Variants in SLFN5 observed in about 807,000 individuals in gnomAD.
SLFN5 encodes the protein schlafen family member 5.
SLFN5 carries 34 observed loss-of-function variants against 48.5 expected under a neutral mutation model. The ratio of observed to expected loss-of-function variants is 0.70; its 90% CI spans 0.53 to 0.93. The LOEUF (loss-of-function observed/expected upper bound fraction) is 0.93, where lower values mean the gene tolerates loss of function less well. Ranked by LOEUF, SLFN5 falls within the 40% of genes least tolerant of loss-of-function variation. The probability of loss-of-function intolerance (pLI) is 0.00; values close to 1 mark genes in which losing one functional copy is unlikely to be tolerated. For missense variants in SLFN5, 1,006 were observed against 1,071.3 expected, an observed-to-expected ratio of 0.94 and a Z score of 0.85; for synonymous variants, 387 against 396.2, an observed-to-expected ratio of 0.98 and a Z score of 0.28.
chr17:35,272,114 A>T lies in SLFN5; in HGVS notation c.*6226A>T, dbSNP rs1904846305. 6.6e-6 allele frequency: 1 copy of T among 152,190 alleles called. No individual in the cohort carries two copies. Among genetic ancestry groups the T allele is most frequent in the Admixed American group, 6.6e-5 (1 of 15,256 alleles). The allele number at this position is 152,190 out of a possible 1,614,324, so 9.4% of individuals were successfully genotyped here. A position where few individuals can be genotyped will look rare whatever the true frequency, so the allele number is the denominator to read the frequency against. On this transcript the variant is annotated 3_prime_UTR_variant, in exon 5 of 5. Transcript: ENST00000299977. ...AAAGAAGAAACCTGAGTGAGTCAGC[A>T]TGACCAAATATTAAAACATCTTATA... is the stretch of plus-strand genomic sequence containing the variant.
In SLFN5 at chr17:35,270,021, G is replaced by T. The variant is rs919014582; in HGVS notation, c.*4133G>T. ...GTTCTTGAGTTAAAGAAAAATATTCGGTAGTTCAGCTCTTCCTTCAATTTT... is the reference window on the plus strand; with the variant it reads ...GTTCTTGAGTTAAAGAAAAATATTCTGTAGTTCAGCTCTTCCTTCAATTTT... On this transcript the variant is annotated 3_prime_UTR_variant, in exon 5 of 5. Transcript: ENST00000299977. The T allele has an allele frequency of 5.3e-5, 8 of 151,886 alleles. No homozygotes were observed. Among genetic ancestry groups the T allele is most frequent in the African/African-American group, 1.9e-4 (8 of 41,352 alleles). 9.4% of individuals were successfully genotyped at this position (151,886 alleles called of 1,614,324 possible).
At chr17:35,243,946 T>A (rs1206557988) in intron 1 of SLFN5, among the ~76,000 whole-genome samples, 3 of 151,464 alleles carry the variant, frequency 2.0e-5, no homozygotes, top group South Asian at 4.2e-4. Context: ...TAGTGGGGAG[T>A]TTTTATGAGA....
intron 1 of SLFN5, among the ~76,000 whole-genome samples, chr17:35,253,117 G>A (rs2092446222): frequency 6.6e-6 from 1 of 151,988 alleles, no homozygotes; most frequent in Admixed American, 6.6e-5. Flanking sequence ...GGCCCTCATA[G>A]ATGGTGCCTT....
chr17:35,250,492 TA>T (rs892688119), intron 1 of SLFN5, among the ~76,000 whole-genome samples: 16 of 150,682 alleles, frequency 1.1e-4, no homozygotes, highest in African/African-American at 2.9e-4. Flanking sequence ...CGGTCTCTAC[TA>T]AAAAAAAATA....
chr17:35,250,482 C>A (rs905981891), intron 1 of SLFN5, among the ~76,000 whole-genome samples: 1 of 151,994 alleles, frequency 6.6e-6, no homozygotes, highest in Non-Finnish European at 1.5e-5. Context: ...CGGTGAAACC[C>A]GGTCTCTACT....
intron 3 of SLFN5, among the ~76,000 whole-genome samples, chr17:35,263,036 C>T (rs1416921631): frequency 1.3e-5 from 2 of 152,160 alleles, no homozygotes; most frequent in Non-Finnish European, 2.9e-5. Flanking sequence ...CACTCTAATG[C>T]CTTCCTCACC....
chr17:35,262,882 A>G (rs188287551), intron 3 of SLFN5, among the ~76,000 whole-genome samples: 1 of 152,208 alleles, frequency 6.6e-6, no homozygotes, highest in Admixed American at 6.5e-5. Context: ...AAAAGTCTCC[A>G]TGCTGTCCCT....
intron 1 of SLFN5, among the ~76,000 whole-genome samples, chr17:35,256,831 C>G (rs939918220): frequency 6.6e-6 from 1 of 152,116 alleles, no homozygotes; most frequent in South Asian, 2.1e-4. Context: ...ATACTCTACA[C>G]CAGGGGTCCC....
chr17:35,263,944 T>C (rs1327412940), intron 3 of SLFN5, among the ~76,000 whole-genome samples: 6 of 152,198 alleles, frequency 3.9e-5, no homozygotes. Flanking sequence ...ATTCACATAA[T>C]ACTTTCTGTC....
chr17:35,260,909 G>C (rs371216844), intron 2 of SLFN5, 62 bp from the exon 3 acceptor site: 1 of 1,596,934 alleles, frequency 6.3e-7, no homozygotes, highest in Non-Finnish European at 8.5e-7. Flanking sequence ...TTGTAGCACA[G>C]CTCAGCTATA....
intron 2 of SLFN5, among the ~76,000 whole-genome samples, chr17:35,260,676 G>T (rs1904494759): frequency 1.3e-5 from 2 of 152,112 alleles, no homozygotes; most frequent in African/African-American, 4.8e-5. Flanking sequence ...TCATGCCACT[G>T]CACTCCAGCC....
Position 35,265,367 on chromosome 17 carries a change from G to A in SLFN5, c.2155G>A (p.Ala719Thr), listed in dbSNP as rs148651939. 1.1e-5 allele frequency: 17 copies of A among 1,614,152 alleles called. No individual in the cohort carries two copies. Among genetic ancestry groups the A allele is most frequent in the Non-Finnish European group, 1.4e-5 (17 of 1,180,042 alleles). Reference protein sequence around the residue: ...NRVVRNAGPIANYLQQVMQEA... With the variant: ...NRVVRNAGPITNYLQQVMQEA... ...AGTGGTCCGCAATGCAGGTCCAATA[G>A]CTAATTACCTACAACAAGTAATGCA... The change falls in exon 5 of 5, where the codon GCT becomes ACT. Residue 719 changes from alanine to threonine, a missense_variant. Physicochemically the swap from Ala to Thr is moderately conservative, Grantham distance 58 (BLOSUM62 0). Transcript: ENST00000299977.
chr17:35,253,690 G>GTTTTTT (rs57606643), intron 1 of SLFN5, among the ~76,000 whole-genome samples: 2 of 76,068 alleles, frequency 2.6e-5, no homozygotes, highest in Non-Finnish European at 4.5e-5. Context: ...ATAGCTAACA[G>GTTTTTT]TTTTTTTTTT....
intron 1 of SLFN5, among the ~76,000 whole-genome samples, chr17:35,256,521 G>A (rs774553282): frequency 4.8e-5 from 7 of 147,278 alleles, no homozygotes; most frequent in Non-Finnish European, 7.5e-5. Context: ...TTTTTTTTCT[G>A]TTTTAATCTC....
chr17:35,259,709 G>C lies in SLFN5; in HGVS notation c.1012+7G>C. ...ATGATGGAAGCTGACCCAGGTTAGG[G>C]AGCAATATCCACAATGGTTGTAATG... On this transcript the variant is annotated splice_region_variant and intron_variant, in intron 2 of 4. Transcript: ENST00000299977. 6.3e-7 allele frequency: 1 copy of C among 1,598,604 alleles called. No homozygotes were observed. Among genetic ancestry groups the C allele is most frequent in the Non-Finnish European group, 8.5e-7 (1 of 1,179,106 alleles).
Position 35,259,807 on chromosome 17 carries a change from G to C in SLFN5, c.1012+105G>C. Reference sequence around the variant, plus strand: ...GTATTCCTTGGAATCTGGGGAAAGAGATTTACTCTCTGATTTGCAATTGTC... The same window carrying C: ...GTATTCCTTGGAATCTGGGGAAAGACATTTACTCTCTGATTTGCAATTGTC... On this transcript the variant is annotated intron_variant, in intron 2 of 4. Transcript: ENST00000299977. 6.7e-6 allele frequency: 9 copies of C among 1,342,786 alleles called. No individual in the cohort carries two copies. In the South Asian group the frequency reaches 1.3e-4, roughly 19 times the overall value. The allele number at this position is 1,342,786 out of a possible 1,614,324, so 83.2% of individuals were successfully genotyped here.
Position 35,269,692 on chromosome 17 carries a change from T to C in SLFN5, c.*3804T>C, listed in dbSNP as rs1904785964. ...GTGAGAGAGTTGCACTTATTTAGTTTGCATACCGTACTCAACTCTTAGCTA... is the reference window on the plus strand; with the variant it reads ...GTGAGAGAGTTGCACTTATTTAGTTCGCATACCGTACTCAACTCTTAGCTA... On this transcript the variant is annotated 3_prime_UTR_variant, in exon 5 of 5. Coordinates refer to ENST00000299977, the MANE Select transcript of SLFN5 (RefSeq NM_144975.4). 1 of 152,196 alleles carries C rather than the reference T, an allele frequency of 6.6e-6. No individual in the cohort carries two copies. Among genetic ancestry groups the C allele is most frequent in the South Asian group, 2.1e-4 (1 of 4,832 alleles). The allele number at this position is 152,196 out of a possible 1,614,324, so 9.4% of individuals were successfully genotyped here.
intron 1 of SLFN5, among the ~76,000 whole-genome samples, chr17:35,249,782 G>A (rs544854359): frequency 6.6e-6 from 1 of 152,310 alleles, no homozygotes; most frequent in African/African-American, 2.4e-5. Flanking sequence ...AGTTGCACCT[G>A]CTATGAATAC....
At chr17:35,261,168 A>G (rs1215453019) in intron 3 of SLFN5, 72 bp downstream of exon 3, 1 of 1,554,512 alleles carries the variant, frequency 6.4e-7, no homozygotes. Context: ...CTCCTACTTT[A>G]TATTATATAC....
Sources: gnomAD v4.1 joint callset for allele counts (sites outside exome capture counted in the v4.1 genomes callset) on GRCh38, gnomAD v4.1.1 for gene constraint, MANE v1.5 for transcripts, NCBI Gene and HGNC (gene_info 2026-07-23, HGNC 2026-07-21) for gene names.